PASK: variants seen among roughly 807,000 people sequenced by gnomAD.
PASK encodes the protein PAS domain containing serine/threonine kinase.
PASK carries 110 observed loss-of-function variants against 121.0 expected under a neutral mutation model. That is an observed-to-expected ratio of 0.91 (90% CI 0.78 to 1.06). The LOEUF is 1.06. Among genes scored for constraint, PASK ranks in the 50% least tolerant of loss-of-function variants. The pLI, the probability that PASK is intolerant of heterozygous loss-of-function variation, is 0.00. For synonymous variants in PASK, 686 were observed against 717.8 expected (o/e 0.96, Z 0.71); for missense variants, 1,643 against 1,702.3 (o/e 0.97, Z 0.61).
chr2:241,144,386 G>A (rs542586293), intron 1 of PASK, among the ~76,000 whole-genome samples: 14 of 152,306 alleles, frequency 9.2e-5, no homozygotes, highest in African/African-American at 3.4e-4. Flanking sequence ...TGGTCATCCA[G>A]GCTTTAGATA....
chr2:241,106,733 C>T lies in PASK; in HGVS notation c.3815-10G>A. 3 of 1,613,792 alleles carry T rather than the reference C, an allele frequency of 1.9e-6. No homozygotes were observed. Among genetic ancestry groups the T allele is most frequent in the Non-Finnish European group, 2.5e-6 (3 of 1,179,674 alleles). ...GACAGAACTCCACTTTCTGAAGAAA[C>T]AAGAAGGTAACTGTATCACGTGCTA... On this transcript the variant is annotated splice_polypyrimidine_tract_variant and intron_variant, in intron 17 of 17. Coordinates refer to ENST00000234040, the MANE Select transcript of PASK (RefSeq NM_015148.4).
intron 15 of PASK, among the ~76,000 whole-genome samples, chr2:241,111,776 C>G (rs1348031114): frequency 6.6e-6 from 1 of 152,246 alleles, no homozygotes; most frequent in African/African-American, 2.4e-5. Context: ...TGGTCAGCGA[C>G]AGCCCCTCCA....
chr2:241,149,719 C>T (rs746301259), upstream of PASK: 11 of 1,549,910 alleles, frequency 7.1e-6, no homozygotes, highest in South Asian at 1.3e-4. Context: ...GTGAGTAGCG[C>T]AGAGCTCGCC....
At chr2:241,115,569 C>T (rs1163791560) in intron 12 of PASK, among the ~76,000 whole-genome samples, 156 bp from the exon 13 acceptor site, 1 of 150,632 alleles carries the variant, frequency 6.6e-6, no homozygotes, top group Non-Finnish European at 1.5e-5. Context: ...CCCAAGCATC[C>T]CATTACACCA....
At chr2:241,135,673 T>C (rs537686244) in intron 8 of PASK, among the ~76,000 whole-genome samples, 198 bp downstream of exon 8, 10 of 151,772 alleles carry the variant, frequency 6.6e-5, no homozygotes, top group East Asian at 3.9e-4. Context: ...TGCTCATATG[T>C]TTATAAGAAT....
At chr2:241,141,321 T>C (rs2066688777) in intron 2 of PASK, among the ~76,000 whole-genome samples, 1 of 152,136 alleles carries the variant, frequency 6.6e-6, no homozygotes, top group African/African-American at 2.4e-5. Flanking sequence ...CAAAGGTTCC[T>C]TCCTTCCCAC....
In PASK at chr2:241,108,870, T is replaced by G; in HGVS notation, c.3534-570A>C. Reference sequence around the variant, plus strand: ...AGAAGGACGTGGTGAAGGTGGGTGTTCACACAGTGGGCCAAATGGAGGAGC... The same window carrying G: ...AGAAGGACGTGGTGAAGGTGGGTGTGCACACAGTGGGCCAAATGGAGGAGC... On this transcript the variant is annotated intron_variant, in intron 15 of 17. Transcript: ENST00000234040. The surrounding 1 kb of genome is among the most constrained non-coding windows in gnomAD (Gnocchi z 5.2). The G allele has an allele frequency of 5.1e-6, 1 of 195,334 alleles. No individual in the cohort carries two copies. 12.1% of individuals were successfully genotyped at this position (195,334 alleles called of 1,614,324 possible).
chr2:241,140,949 G>T (rs913821668), intron 2 of PASK, 196 bp from the exon 3 acceptor site: 2 of 627,250 alleles, frequency 3.2e-6, no homozygotes, highest in Non-Finnish European at 5.9e-6. Flanking sequence ...CAACCACCAG[G>T]TCCACTCGGA....
At chr2:241,148,136 G>A (rs2067061302) in intron 1 of PASK, among the ~76,000 whole-genome samples, 1 of 152,160 alleles carries the variant, frequency 6.6e-6, no homozygotes, top group African/African-American at 2.4e-5. Context: ...ACTGTGAGCT[G>A]CAGACACGGG....
chr2:241,127,601 A>G (rs2065933966), intron 9 of PASK, 150 bp from the exon 10 acceptor site: 4 of 702,048 alleles, frequency 5.7e-6, no homozygotes, highest in Non-Finnish European at 7.6e-6. Flanking sequence ...ACCAAGTTAA[A>G]AAATAAAGCA....
chr2:241,112,690 G>A lies in PASK; in HGVS notation c.3334-251C>T, dbSNP rs2065159052. ...AGGTGGCAACATCAATGAGACTCGT[G>A]AGTTCTGTTTGCTGCTGAGAAAAGC... On this transcript the variant is annotated intron_variant, in intron 14 of 17. Transcript: ENST00000234040. This position sits in a 1 kb window ranked among gnomAD's most constrained non-coding sequence, Gnocchi z 5.2. 4.3e-6 allele frequency: 2 copies of A among 465,208 alleles called. No individual in the cohort carries two copies. The highest frequency in any genetic ancestry group is 4.0e-5 in the African/African-American group (2 of 50,578). The allele number at this position is 465,208 out of a possible 1,614,324, so 28.8% of individuals were successfully genotyped here.
In PASK at chr2:241,127,275, T is replaced by C; in HGVS notation, c.1640A>G (p.Glu547Gly). The change falls in exon 10 of 18, where the codon GAA becomes GGA. Residue 547 changes from glutamate to glycine, a missense_variant. Around this residue, in one of 3 missense-constraint regions of PASK, gnomAD observed 1,176 missense variants for 1,162.2 expected, o/e 1.01. Transcript: ENST00000234040. Reference sequence around the variant, plus strand: ...AGCTGGGACTGGAGCTTCAGAATCTTCGCAGGAAGCAAATGGCTTCACATC... The same window carrying C: ...AGCTGGGACTGGAGCTTCAGAATCTCCGCAGGAAGCAAATGGCTTCACATC... ...PVDVKPFASC[E>G]DSEAPVPAED... 6.2e-7 allele frequency: 1 copy of C among 1,614,236 alleles called. No individual in the cohort carries two copies. The highest frequency in any genetic ancestry group is 1.1e-5 in the South Asian group (1 of 91,082).
At chr2:241,137,355 C>G in intron 6 of PASK, 91 bp from the exon 7 acceptor site, 1 of 1,020,926 alleles carries the variant, frequency 9.8e-7, no homozygotes, top group Non-Finnish European at 1.6e-6. Flanking sequence ...TTCTACCCCA[C>G]GTCATCGGGG....
chr2:241,138,757 A>G lies in PASK; in HGVS notation c.638T>C (p.Val213Ala), dbSNP rs142624414. The change falls in exon 5 of 18, where the codon GTG becomes GCG. Residue 213 changes from valine to alanine, a missense_variant. Val to Ala is a moderately conservative substitution (Grantham distance 64). Transcript: ENST00000234040. ...IISRSGEKIP[V>A]SVWMKRMRQE... ...CCGCATCCTCTTCATCCACACAGAC[A>G]CTGGAATCTTCTCCCCACTACGGCT... 6.9e-5 allele frequency: 112 copies of G among 1,613,898 alleles called. No homozygotes were observed. Among genetic ancestry groups the G allele is most frequent in the Middle Eastern group, 1.6e-4 (1 of 6,084 alleles).
chr2:241,116,908 G>A (rs951265655), intron 12 of PASK, among the ~76,000 whole-genome samples: 13 of 152,200 alleles, frequency 8.5e-5, no homozygotes, highest in African/African-American at 3.1e-4. Context: ...AGGAAAAAAA[G>A]ATGGGGCAGG....
chr2:241,119,820 C>T (rs1365567494), intron 12 of PASK, among the ~76,000 whole-genome samples: 2 of 152,146 alleles, frequency 1.3e-5, no homozygotes, highest in Non-Finnish European at 1.5e-5. Flanking sequence ...GTTCCTTATC[C>T]TGCTGCCCCT....
chr2:241,129,592 A>G (rs867636095), intron 9 of PASK, among the ~76,000 whole-genome samples: 13 of 152,248 alleles, frequency 8.5e-5, no homozygotes, highest in Middle Eastern at 3.2e-3. Flanking sequence ...AAAATATTTC[A>G]GTGTTGGGGG....
chr2:241,116,039 A>G (rs371275989), intron 12 of PASK, among the ~76,000 whole-genome samples: 13 of 122,602 alleles, frequency 1.1e-4, no homozygotes, highest in East Asian at 2.8e-4. Flanking sequence ...AGGGCCACCC[A>G]GTCCTCAAGC....
intron 7 of PASK, 113 bp from the exon 8 acceptor site, chr2:241,136,152 C>T: frequency 1.0e-6 from 1 of 991,664 alleles, no homozygotes; most frequent in African/African-American, 1.6e-5. Context: ...AGGGTTCACC[C>T]TTAAGGTCAG....
Sources: allele counts gnomAD v4.1 joint callset (sites outside exome capture counted in the v4.1 genomes callset), GRCh38; gene constraint gnomAD v4.1.1; regional missense constraint gnomAD v4.1.1; non-coding constraint Gnocchi (gnomAD v3.1); transcripts MANE v1.5; gene names NCBI Gene and HGNC (gene_info 2026-07-23, HGNC 2026-07-21).